Variants in PSTPIP1 observed in about 807,000 individuals in gnomAD.
PSTPIP1 encodes proline-serine-threonine phosphatase-interacting protein 1.
PSTPIP1 carries 66 observed loss-of-function variants against 69.6 expected under a neutral mutation model. The observed-to-expected ratio is 0.95, with a 90% CI of 0.78 to 1.16. The LOEUF is 1.16. Among genes scored for constraint, PSTPIP1 ranks in the 50% most tolerant of loss-of-function variants. PSTPIP1 has a pLI of 0.00. For missense variants in PSTPIP1, 603 were observed against 557.4 expected, an observed-to-expected ratio of 1.08 and a Z score of -0.82; for synonymous variants, 266 against 222.7, an observed-to-expected ratio of 1.19 and a Z score of -1.73.
In PSTPIP1 at chr15:77,018,404, C is replaced by T; in HGVS notation, c.138-53C>T. The T allele has an allele frequency of 4.5e-6, 7 of 1,550,096 alleles. No homozygotes were observed. In the South Asian group the frequency reaches 5.9e-5, roughly 13 times the overall value. On this transcript the variant is annotated intron_variant, in intron 2 of 14. Transcript: ENST00000558012. ...TCTGTGTTCCCTCAAACCTGGGCCT[C>T]CCCCAGAGGTGGCAAGTCACTGATG...
Position 77,018,164 on chromosome 15 carries a change from C to A in PSTPIP1, c.53C>A (p.Ala18Asp). Reference protein sequence around the residue: ...KDAFWCRDFTAHTGYEVLLQR... With the variant: ...KDAFWCRDFTDHTGYEVLLQR... ...GTGTCACAGTGCAGGGACTTCACAG[C>A]CCACACGGGCTACGAGGTGCTGCTG... Residue 18 changes from alanine (A) to aspartate (D), a missense_variant, in exon 2 of 15, where the codon GCC (alanine) becomes GAC (aspartate). Coordinates refer to ENST00000558012, the MANE Select transcript of PSTPIP1 (RefSeq NM_003978.5). The A allele has an allele frequency of 6.3e-7, 1 of 1,584,368 alleles. No individual in the cohort carries two copies. Among genetic ancestry groups the A allele is most frequent in the Non-Finnish European group, 8.6e-7 (1 of 1,166,020 alleles).
At chr15:76,995,049 C>A, upstream of PSTPIP1, 2 of 1,191,298 alleles carry the variant, frequency 1.7e-6, no homozygotes, top group Non-Finnish European at 2.1e-6. Context: ...AGGTGGCAGG[C>A]GGGGCTGCAC....
chr15:77,028,352 C>G, intron 6 of PSTPIP1: 1 of 539,030 alleles, frequency 1.9e-6, no homozygotes, highest in Non-Finnish European at 3.3e-6. Flanking sequence ...GTGGGGAGGG[C>G]CTGAGAGCAG....
chr15:77,035,193 T>C (rs974999611), intron 12 of PSTPIP1, among the ~76,000 whole-genome samples: 2 of 152,176 alleles, frequency 1.3e-5, no homozygotes, highest in Admixed American at 6.5e-5. Flanking sequence ...CATGGGAGTC[T>C]TCCAATGAAG....
intron 3 of PSTPIP1, among the ~76,000 whole-genome samples, chr15:77,018,938 C>T (rs977191229): frequency 5.3e-5 from 8 of 152,204 alleles, no homozygotes; most frequent in Admixed American, 1.3e-4. Context: ...GGAGGGGACA[C>T]ACCTGGGTTC....
rs572080370 is a variant in PSTPIP1, at chr15:77,033,001, G to A, written c.929+49G>A. On this transcript the variant is annotated intron_variant, in intron 12 of 14. Transcript: ENST00000558012. ...AGGGCCTAAGGCTGGGCCAGGAAGT[G>A]GGTCGAGCCCCTCCTCTGCACCTGG... The A allele has an allele frequency of 2.6e-6, 4 of 1,534,444 alleles. No homozygotes were observed. In the South Asian group the frequency reaches 4.8e-5, roughly 18 times the overall value.
intron 1 of PSTPIP1, among the ~76,000 whole-genome samples, chr15:77,013,720 C>T (rs1568494275): frequency 6.6e-6 from 1 of 152,188 alleles, no homozygotes; most frequent in Non-Finnish European, 1.5e-5. Flanking sequence ...CTTCCACGGC[C>T]CCCACTTGGT....
At chr15:77,015,031 G>T (rs1435624874) in intron 1 of PSTPIP1, among the ~76,000 whole-genome samples, 7 of 152,222 alleles carry the variant, frequency 4.6e-5, no homozygotes, top group Admixed American at 3.3e-4. Context: ...CCACATGGCT[G>T]GGCCGTGACC....
intron 14 of PSTPIP1, 133 bp downstream of exon 14, chr15:77,036,068 G>C (rs778633833): frequency 6.7e-5 from 84 of 1,249,214 alleles, no homozygotes; most frequent in Non-Finnish European, 8.6e-5. Context: ...TCCTCCTCAG[G>C]AGGGCACGTG....
At position 77,001,061 on chromosome 15, in the gene PSTPIP1, G is replaced by A. The variant is rs114883494; in HGVS notation, c.36+5452G>A. 7.2e-3 allele frequency among the ~76,000 whole-genome samples: 1,102 copies of A among 152,264 alleles called. 7 individuals carry two copies. The highest frequency in any genetic ancestry group is 0.024 in the African/African-American group (1,009 of 41,540). On this transcript the variant is annotated intron_variant, in intron 1 of 14. Transcript: ENST00000558012. ...ATTTTCAGCAACACCACTGTTCATG[G>A]CTGCACAGTTCTCTAGCTTGTGAAT...
rs567513132 is a variant in PSTPIP1 at position 77,032,188 on chromosome 15, G to A, written c.742-110G>A. 9.2e-5 allele frequency: 100 copies of A among 1,089,330 alleles called. No individual in the cohort carries two copies. In the African/African-American group the frequency reaches 1.3e-3, roughly 15 times the overall value. The allele number at this position is 1,089,330 out of a possible 1,614,324, so 67.5% of individuals were successfully genotyped here. On this transcript the variant is annotated intron_variant, in intron 10 of 14. Transcript: ENST00000558012. ...CTCAGGATCAAAGACCCCGAGCCGC[G>A]CACAATGGCCTGTGAGGAGGCCGGT... is the stretch of plus-strand genomic sequence containing the variant.
At position 77,031,289 on chromosome 15, in the gene PSTPIP1, A is replaced by C. The variant is rs2152688261; in HGVS notation, c.741+11A>C. Reference sequence around the variant, plus strand: ...GTCAAGGATGATGAGGTGGGGGCTGAGGGCCTTGGTGTGGGGTAAGGTAGG... The same window carrying C: ...GTCAAGGATGATGAGGTGGGGGCTGCGGGCCTTGGTGTGGGGTAAGGTAGG... On this transcript the variant is annotated intron_variant, in intron 10 of 14. Coordinates refer to ENST00000558012, the MANE Select transcript of PSTPIP1 (RefSeq NM_003978.5). 5 of 1,611,416 alleles carry C rather than the reference A, an allele frequency of 3.1e-6. No homozygotes were observed. The highest frequency in any genetic ancestry group is 4.2e-6 in the Non-Finnish European group (5 of 1,178,690).
In PSTPIP1 at chr15:77,036,050, G is replaced by A. The variant is rs547088375; in HGVS notation, c.1119+115G>A. The A allele has an allele frequency of 7.0e-4, 945 of 1,353,306 alleles. 17 individuals carry two copies. The South Asian group carries it at 0.013, about 19-fold the overall frequency. 83.8% of individuals were successfully genotyped at this position (1,353,306 alleles called of 1,614,324 possible). A position where few individuals can be genotyped will look rare whatever the true frequency, so the allele number is the denominator to read the frequency against. On this transcript the variant is annotated intron_variant, in intron 14 of 14. Coordinates refer to ENST00000558012, the MANE Select transcript of PSTPIP1 (RefSeq NM_003978.5). ...TCCTCATGGTTTCACTCATCTTCGA[G>A]CATCCTCTCCTCCTCAGGAGGGCAC...
chr15:77,018,402 C>T (rs1226237224), intron 2 of PSTPIP1, 55 bp from the exon 3 acceptor site: 17 of 1,549,606 alleles, frequency 1.1e-5, no homozygotes, highest in South Asian at 2.4e-5. Flanking sequence ...AAACCTGGGC[C>T]TCCCCCAGAG....
At chr15:76,996,024 C>T (rs116827184) in intron 1 of PSTPIP1, among the ~76,000 whole-genome samples, 8 of 152,212 alleles carry the variant, frequency 5.3e-5, no homozygotes, top group Non-Finnish European at 1.0e-4. Flanking sequence ...AAGCCTCAGT[C>T]TCTCCATCTA....
intron 13 of PSTPIP1, 32 bp downstream of exon 13, chr15:77,035,595 C>T (rs1196065052): frequency 1.3e-6 from 2 of 1,556,136 alleles, no homozygotes; most frequent in Non-Finnish European, 1.7e-6. Context: ...CCCCCAAACA[C>T]ACTGATCCTG....
At chr15:77,016,256 G>A (rs1289216042) in intron 1 of PSTPIP1, among the ~76,000 whole-genome samples, 1 of 152,158 alleles carries the variant, frequency 6.6e-6, no homozygotes, top group East Asian at 1.9e-4. Flanking sequence ...AGGGCGGGGG[G>A]GTCTGTGGCA....
At position 77,032,284 on chromosome 15, in the gene PSTPIP1, C is replaced by T; in HGVS notation, c.742-14C>T. The T allele has an allele frequency of 6.8e-6, 11 of 1,611,914 alleles. No individual in the cohort carries two copies. Among genetic ancestry groups the T allele is most frequent in the African/African-American group, 1.3e-5 (1 of 75,050 alleles). On this transcript the variant is annotated splice_polypyrimidine_tract_variant and intron_variant, in intron 10 of 14. Transcript: ENST00000558012. ...TGGGCATCGGGCTGCGGCCTCTGCT[C>T]TTTCCTGCCCCAGCTCTACGAGGAA...
At chr15:77,006,956 C>T (rs1433702778) in intron 1 of PSTPIP1, among the ~76,000 whole-genome samples, 1 of 152,088 alleles carries the variant, frequency 6.6e-6, no homozygotes, top group Non-Finnish European at 1.5e-5. Context: ...TTTGTTGTTC[C>T]CTTTTTATAG....
Sources: allele counts gnomAD v4.1 joint callset (sites outside exome capture counted in the v4.1 genomes callset), GRCh38; gene constraint gnomAD v4.1.1; transcripts MANE v1.5; gene names NCBI Gene and HGNC (gene_info 2026-07-23, HGNC 2026-07-21).